CLVS1: variants seen among roughly 807,000 people sequenced by gnomAD.
CLVS1 encodes clavesin-1.
In CLVS1, 10 loss-of-function variants were observed where a neutral mutation model predicts 33.1. The observed-to-expected ratio is 0.30, with a 90% CI of 0.19 to 0.51. The LOEUF is 0.51. Ranked by LOEUF, CLVS1 falls within the 20% of genes least tolerant of loss-of-function variation. The pLI, the probability that CLVS1 is intolerant of heterozygous loss-of-function variation, is 0.97. For synonymous variants in CLVS1, 163 were observed against 166.1 expected (o/e 0.98, Z 0.14); for missense variants, 343 against 433.4 (o/e 0.79, Z 1.85).
At chr8:61,131,099 G>C (rs1806089244) in intron 1 of CLVS1, among the ~76,000 whole-genome samples, 1 of 152,156 alleles carries the variant, frequency 6.6e-6, no homozygotes, top group Admixed American at 6.5e-5. Context: ...AGCCTCAGTG[G>C]CTGGTCACCA....
chr8:61,026,219 G>A, the CLVS1 span, among the ~76,000 whole-genome samples: 29 of 152,158 alleles, frequency 1.9e-4, no homozygotes, highest in Non-Finnish European at 3.8e-4. Flanking sequence ...CACGAGCAGA[G>A]GGAAGACCCT....
chr8:61,374,202 C>G (rs1475950922), intron 2 of CLVS1, among the ~76,000 whole-genome samples: 1 of 152,238 alleles, frequency 6.6e-6, no homozygotes, highest in Non-Finnish European at 1.5e-5. Context: ...GTCAGTAACA[C>G]AGTAATGCAA....
chr8:60,998,247 G>A, the CLVS1 span, among the ~76,000 whole-genome samples: 2 of 152,156 alleles, frequency 1.3e-5, no homozygotes, highest in Admixed American at 1.3e-4. Context: ...GGGGTGCTGA[G>A]TCAATGCTGG....
chr8:61,452,953 AG>A (rs1817014712), intron 3 of CLVS1, among the ~76,000 whole-genome samples: 1 of 151,192 alleles, frequency 6.6e-6, no homozygotes, highest in Non-Finnish European at 1.5e-5. Flanking sequence ...TCTGAAAAAA[AG>A]TTAATAACCT....
At chr8:61,159,059 A>G (rs1311452136) in intron 2 of CLVS1, among the ~76,000 whole-genome samples, 1 of 151,912 alleles carries the variant, frequency 6.6e-6, no homozygotes, top group Non-Finnish European at 1.5e-5. Context: ...TTTGGTAGAG[A>G]TGGGGGTGTC....
intron 3 of CLVS1, among the ~76,000 whole-genome samples, chr8:61,390,639 C>T (rs899855775): frequency 5.9e-5 from 9 of 152,186 alleles, no homozygotes; most frequent in African/African-American, 1.9e-4. Context: ...GCTTTGATTA[C>T]TAGTGAGGTG....
chr8:61,278,143 C>T (rs1345835046), intron 2 of CLVS1, among the ~76,000 whole-genome samples: 2 of 152,138 alleles, frequency 1.3e-5, no homozygotes, highest in Non-Finnish European at 2.9e-5. Flanking sequence ...GAGAGCATTC[C>T]TGCATCTGCT....
chr8:61,044,065 G>A, the CLVS1 span, among the ~76,000 whole-genome samples: 1 of 152,168 alleles, frequency 6.6e-6, no homozygotes, highest in Non-Finnish European at 1.5e-5. Flanking sequence ...TGACATGGAA[G>A]GATGCTACTT....
chr8:61,294,732 T>C (rs570127832), intron 1 of CLVS1, among the ~76,000 whole-genome samples: 2 of 136,524 alleles, frequency 1.5e-5, no homozygotes, highest in African/African-American at 5.9e-5. Flanking sequence ...GACCTTTTCC[T>C]GATATATTGT....
upstream of CLVS1, among the ~76,000 whole-genome samples, chr8:61,285,507 G>A (rs186964061): frequency 1.6e-3 from 250 of 152,236 alleles, 1 homozygote; most frequent in Non-Finnish European, 2.7e-3. Flanking sequence ...ATTCCTCAAT[G>A]AACCCCTTTG....
At chr8:61,240,497 G>A (rs1808675818) in intron 2 of CLVS1, among the ~76,000 whole-genome samples, 1 of 152,140 alleles carries the variant, frequency 6.6e-6, no homozygotes, top group Non-Finnish European at 1.5e-5. Context: ...CAATTTCTAT[G>A]TGAAACACGC....
At chr8:61,181,697 C>CTTTCT (rs1807234693) in intron 2 of CLVS1, among the ~76,000 whole-genome samples, 1 of 103,202 alleles carries the variant, frequency 9.7e-6, no homozygotes, top group Non-Finnish European at 1.9e-5. Flanking sequence ...ACCATCTGAT[C>CTTTCT]TTTTTTTTTT....
chr8:61,059,475 C>CATATACATATATATATATAT (rs1804540465), intron 1 of CLVS1, among the ~76,000 whole-genome samples: 1 of 50,214 alleles, frequency 2.0e-5, no homozygotes, highest in South Asian at 1.4e-3. Context: ...TACATACATA[C>CATATACATATATATATATAT]ATATATATAT....
At chr8:61,214,562 G>A (rs1001937068) in intron 2 of CLVS1, among the ~76,000 whole-genome samples, 6 of 152,202 alleles carry the variant, frequency 3.9e-5, no homozygotes, top group African/African-American at 1.4e-4. Context: ...GCCATCTAAA[G>A]GCCATGAAGA....
chr8:61,357,487 TTCTTTTC>T lies in CLVS1; in HGVS notation c.456-19116_456-19110del, dbSNP rs1812770523. ...TTTTTTCCTTCTTTTTCTTTCCTTT[TTCTTTTC>T]TTTTTTTTTTTTTTTTTTTTTTTTT... On this transcript the variant is annotated intron_variant, in intron 2 of 5. Coordinates refer to ENST00000325897, the MANE Select transcript of CLVS1 (RefSeq NM_173519.3). Among the ~76,000 whole-genome samples the T allele has an allele frequency of 1.7e-4, 23 of 132,822 alleles. 1 individual carries two copies. In the Admixed American group the frequency reaches 1.8e-3, roughly 11 times the overall value. The allele number at this position is 132,822 out of a possible 152,430, so 87.1% of individuals were successfully genotyped here.
At chr8:61,458,563 G>GCC (rs33963114) in intron 5 of CLVS1, 21 bp downstream of exon 5, 804 of 1,233,412 alleles carry the variant, frequency 6.5e-4, no homozygotes, top group East Asian at 1.2e-3. Context: ...GGTTATCAGA[G>GCC]CCCCCCCCCC....
chr8:61,465,883 C>T (rs562503394), intron 5 of CLVS1: 1 of 152,212 alleles, frequency 6.6e-6, no homozygotes, highest in Admixed American at 6.5e-5. Flanking sequence ...AGGATGGTCT[C>T]GATCTCTTGA....
At chr8:61,165,051 A>T (rs151002583) in intron 2 of CLVS1, among the ~76,000 whole-genome samples, 7,732 of 152,294 alleles carry the variant, frequency 0.051, 220 homozygotes, top group African/African-American at 0.06. Context: ...GCCGTGGGTC[A>T]CGGAAGAGAA....
the CLVS1 span, among the ~76,000 whole-genome samples, chr8:61,050,548 G>T: frequency 6.6e-6 from 1 of 152,186 alleles, no homozygotes; most frequent in Non-Finnish European, 1.5e-5. Context: ...CTTGTCTCTG[G>T]TCCCTCGGCC....
Sources: allele counts gnomAD v4.1 joint callset (sites outside exome capture counted in the v4.1 genomes callset), GRCh38; gene constraint gnomAD v4.1.1; transcripts MANE v1.5; gene names NCBI Gene and HGNC (gene_info 2026-07-23, HGNC 2026-07-21).